Variants in SCN4B observed in about 807,000 individuals in gnomAD.
The protein encoded by SCN4B is sodium voltage-gated channel beta subunit 4.
A neutral mutation model predicts 19.6 loss-of-function variants in SCN4B; 20 were observed. The observed-to-expected ratio is 1.02, with a 90% CI of 0.72 to 1.48. The LOEUF is 1.48. SCN4B is among the 40% of genes most tolerant of loss of function. The pLI, the probability that SCN4B is intolerant of heterozygous loss-of-function variation, is 0.00. For missense variants in SCN4B, 271 were observed against 287.5 expected (o/e 0.94, Z 0.42); for synonymous variants, 127 against 122.8 (o/e 1.03, Z -0.22).
chr11:118,138,551 A>T (rs917433208), intron 4 of SCN4B, among the ~76,000 whole-genome samples: 13 of 152,212 alleles, frequency 8.5e-5, no homozygotes, highest in African/African-American at 2.9e-4. Context: ...AACCCAGCCA[A>T]TTACGACCCA....
chr11:118,136,191 G>A lies in SCN4B; in HGVS notation c.*836C>T, dbSNP rs375888927. 1.8e-5 allele frequency: 8 copies of A among 453,632 alleles called. No homozygotes were observed. Among genetic ancestry groups the A allele is most frequent in the Middle Eastern group, 6.8e-4 (1 of 1,466 alleles). The allele number at this position is 453,632 out of a possible 1,614,324, so 28.1% of individuals were successfully genotyped here. A position where few individuals can be genotyped will look rare whatever the true frequency, so the allele number is the denominator to read the frequency against. On this transcript the variant is annotated 3_prime_UTR_variant, in exon 5 of 5. Transcript: ENST00000324727. Reference sequence around the variant, plus strand: ...CTGCCAGCATTGGCAGCAATGGGGCGGGCATCCCAGAGGCCCAGGACACTG... The same window carrying A: ...CTGCCAGCATTGGCAGCAATGGGGCAGGCATCCCAGAGGCCCAGGACACTG...
At chr11:118,146,232 T>G (rs888634673) in intron 1 of SCN4B, among the ~76,000 whole-genome samples, 2 of 152,176 alleles carry the variant, frequency 1.3e-5, no homozygotes, top group African/African-American at 4.8e-5. Flanking sequence ...CCGCTGGGAC[T>G]AGGCCTCTCC....
Position 118,133,949 on chromosome 11 carries a change from A to G in SCN4B, c.*3078T>C, listed in dbSNP as rs1280853313. On this transcript the variant is annotated 3_prime_UTR_variant, in exon 5 of 5. Coordinates refer to ENST00000324727, the MANE Select transcript of SCN4B (RefSeq NM_174934.4). ...GTCCAGCATCTGCCCATCATGCATCACCCCTTACATGCAGAGCCCATCCAC... is the reference window on the plus strand; with the variant it reads ...GTCCAGCATCTGCCCATCATGCATCGCCCCTTACATGCAGAGCCCATCCAC... The G allele has an allele frequency of 2.2e-6, 1 of 454,392 alleles. No individual in the cohort carries two copies. 28.1% of individuals were successfully genotyped at this position (454,392 alleles called of 1,614,324 possible).
intron 3 of SCN4B, chr11:118,141,653 A>C: frequency 2.4e-6 from 1 of 412,904 alleles, no homozygotes; most frequent in Non-Finnish European, 4.5e-6. Context: ...TGGTGACTTG[A>C]TCCCCAAATT....
chr11:118,138,842 A>G (rs982964073), intron 4 of SCN4B, among the ~76,000 whole-genome samples: 6 of 152,170 alleles, frequency 3.9e-5, no homozygotes, highest in African/African-American at 1.4e-4. Flanking sequence ...AATTCCAGAC[A>G]GAGGAAACAG....
Position 118,135,976 on chromosome 11 carries a change from G to A in SCN4B, c.*1051C>T, listed in dbSNP as rs1165760290. 1 of 453,266 alleles carries A rather than the reference G, an allele frequency of 2.2e-6. No homozygotes were observed. Among genetic ancestry groups the A allele is most frequent in the South Asian group, 1.6e-5 (1 of 64,382 alleles). The allele number at this position is 453,266 out of a possible 1,614,324, so 28.1% of individuals were successfully genotyped here. A position where few individuals can be genotyped will look rare whatever the true frequency, so the allele number is the denominator to read the frequency against. The stretch of plus-strand genomic sequence containing the variant: ...AAGAGAGTCCCTGAGGCGAAGGCAG[G>A]CCCTTGACCCAGGGCTGGGAAATGA... On this transcript the variant is annotated 3_prime_UTR_variant, in exon 5 of 5. Coordinates refer to ENST00000324727, the MANE Select transcript of SCN4B (RefSeq NM_174934.4).
intron 1 of SCN4B, among the ~76,000 whole-genome samples, chr11:118,147,703 C>T (rs1181117364): frequency 6.6e-6 from 1 of 152,182 alleles, no homozygotes; most frequent in African/African-American, 2.4e-5. Flanking sequence ...CCCTCCACAG[C>T]CCCCACAAAC....
intron 4 of SCN4B, among the ~76,000 whole-genome samples, chr11:118,138,546 A>G (rs1948053898): frequency 6.6e-6 from 1 of 152,116 alleles, no homozygotes; most frequent in South Asian, 2.1e-4. Context: ...TAGTTAACCC[A>G]GCCAATTACG....
intron 3 of SCN4B, among the ~76,000 whole-genome samples, chr11:118,143,305 CTT>C (rs1948123603): frequency 6.6e-6 from 1 of 152,250 alleles, no homozygotes; most frequent in Non-Finnish European, 1.5e-5. Flanking sequence ...AGGGCCATGT[CTT>C]ACTCCATCTC....
At position 118,140,500 on chromosome 11, in the gene SCN4B, G is replaced by A. The variant is rs186101816; in HGVS notation, c.593+707C>T. Among the ~76,000 whole-genome samples the A allele has an allele frequency of 1.8e-4, 28 of 152,292 alleles. 1 individual carries two copies. Among genetic ancestry groups the A allele is most frequent in the South Asian group, 6.2e-4 (3 of 4,824 alleles). On this transcript the variant is annotated intron_variant, in intron 4 of 4. Coordinates refer to ENST00000324727, the MANE Select transcript of SCN4B (RefSeq NM_174934.4). ...TGTTCCAATGGGAAGCCATCTCGTC[G>A]CATCTGTCTTGCTCAGAACACAACT... is the stretch of plus-strand genomic sequence containing the variant.
intron 4 of SCN4B, among the ~76,000 whole-genome samples, chr11:118,138,714 G>C (rs1948056168): frequency 6.6e-6 from 1 of 152,152 alleles, no homozygotes; most frequent in Admixed American, 6.5e-5. Flanking sequence ...GATGTAGGAA[G>C]GAGGGACCCA....
chr11:118,143,060 C>T (rs927201041), intron 3 of SCN4B, among the ~76,000 whole-genome samples: 4 of 152,242 alleles, frequency 2.6e-5, no homozygotes, highest in East Asian at 1.9e-4. Context: ...AGGATCCTTG[C>T]GCAAGTCCCC....
chr11:118,146,243 A>C (rs551026809), intron 1 of SCN4B, among the ~76,000 whole-genome samples: 3 of 151,800 alleles, frequency 2.0e-5, no homozygotes, highest in South Asian at 4.2e-4. Context: ...AGGCCTCTCC[A>C]CTCACGGCCT....
chr11:118,149,583 C>A (rs188445088), intron 1 of SCN4B, among the ~76,000 whole-genome samples: 2 of 152,298 alleles, frequency 1.3e-5, no homozygotes, highest in Admixed American at 1.3e-4. Flanking sequence ...TGCTTCCTGC[C>A]CATCCCCAGG....
intron 4 of SCN4B, among the ~76,000 whole-genome samples, chr11:118,140,622 T>G (rs908873342): frequency 6.6e-6 from 1 of 152,244 alleles, no homozygotes; most frequent in African/African-American, 2.4e-5. Context: ...GCCTGAGGGT[T>G]GCACCCTCCG....
rs920395064 is a variant in SCN4B at position 118,148,316 on chromosome 11, G to A, written c.62-3087C>T. On this transcript the variant is annotated intron_variant, in intron 1 of 4. Coordinates refer to ENST00000324727, the MANE Select transcript of SCN4B (RefSeq NM_174934.4). This position sits in a 1 kb window ranked among gnomAD's most constrained non-coding sequence, Gnocchi z 4.0. ...TGGGAGGGTCATGCACAAGAAAGCC[G>A]AGGGGCCTGCCTCCCATTGAACTCA... Among the ~76,000 whole-genome samples, 5 of 152,216 alleles carry A rather than the reference G, an allele frequency of 3.3e-5. No individual in the cohort carries two copies. The highest frequency in any genetic ancestry group is 7.3e-5 in the Non-Finnish European group (5 of 68,034).
chr11:118,144,096 C>T (rs566578330), intron 2 of SCN4B, 35 bp from the exon 3 acceptor site: 3 of 1,458,744 alleles, frequency 2.1e-6, no homozygotes, highest in East Asian at 2.3e-5. Flanking sequence ...GAGAAAGTAG[C>T]CGAGAAAGAA....
Position 118,136,801 on chromosome 11 carries a change from A to T in SCN4B, c.*226T>A, listed in dbSNP as rs898172039. On this transcript the variant is annotated 3_prime_UTR_variant, in exon 5 of 5. Transcript: ENST00000324727. ...CCTAGCCTCTCCTTTCTTTCTCCTG[A>T]ATCTTCCACAGACCCCCTCCCCTGG... 4 of 656,774 alleles carry T rather than the reference A, an allele frequency of 6.1e-6. No individual in the cohort carries two copies. The highest frequency in any genetic ancestry group is 4.1e-5 in the Admixed American group (2 of 48,402). 40.7% of individuals were successfully genotyped at this position (656,774 alleles called of 1,614,324 possible).
intron 4 of SCN4B, among the ~76,000 whole-genome samples, chr11:118,138,717 G>C (rs1434963275): frequency 1.3e-5 from 2 of 152,174 alleles, no homozygotes; most frequent in Non-Finnish European, 2.9e-5. Context: ...GTAGGAAGGA[G>C]GGACCCAACC....
Sources: allele counts gnomAD v4.1 joint callset (sites outside exome capture counted in the v4.1 genomes callset), GRCh38; gene constraint gnomAD v4.1.1; non-coding constraint Gnocchi (gnomAD v3.1); transcripts MANE v1.5; gene names NCBI Gene and HGNC (gene_info 2026-07-23, HGNC 2026-07-21).